Variants in CLN5 observed in about 807,000 individuals in gnomAD.
CLN5 encodes the protein CLN5 lysosomal BMP synthase, also known as bis(monoacylglycero)phosphate synthase CLN5.
Under a neutral mutation model 36.7 loss-of-function variants are expected in CLN5, and 34 were observed. That is an observed-to-expected ratio of 0.93 (90% CI 0.71 to 1.23). The LOEUF (loss-of-function observed/expected upper bound fraction) is 1.23, where lower values mean the gene tolerates loss of function less well. CLN5 is among the 50% of genes most tolerant of loss of function. The pLI, the probability that CLN5 is intolerant of heterozygous loss-of-function variation, is 0.00. For missense variants in CLN5, 427 were observed against 439.4 expected (o/e 0.97, Z 0.25); for synonymous variants, 151 against 155.1 (o/e 0.97, Z 0.20).
intron 2 of CLN5, 64 bp from the exon 3 acceptor site, chr13:76,995,838 A>G (rs573980862): frequency 7.7e-5 from 95 of 1,226,854 alleles, no homozygotes; most frequent in Admixed American, 4.2e-4. Flanking sequence ...ATTTTCTCCT[A>G]TCAGGTTACC....
rs1258744435 is a variant in CLN5 at position 77,003,543 on chromosome 13, G to A, written c.*2574G>A. ...TGAGAAACCAAAACATAGCCACGCAGAAATCTGCCAATTAAGTTTTGCTGC... is the reference window on the plus strand; with the variant it reads ...TGAGAAACCAAAACATAGCCACGCAAAAATCTGCCAATTAAGTTTTGCTGC... On this transcript the variant is annotated 3_prime_UTR_variant, in exon 4 of 4. Transcript: ENST00000377453. 2 of 152,244 alleles carry A rather than the reference G, an allele frequency of 1.3e-5. No homozygotes were observed. The highest frequency in any genetic ancestry group is 2.4e-5 in the African/African-American group (1 of 41,470). The allele number at this position is 152,244 out of a possible 1,614,324, so 9.4% of individuals were successfully genotyped here. A position where few individuals can be genotyped will look rare whatever the true frequency, so the allele number is the denominator to read the frequency against.
Position 76,999,166 on chromosome 13 carries a change from G to C in CLN5, c.566-1292G>C, listed in dbSNP as rs909618995. The C allele has an allele frequency of 4.6e-5, 7 of 152,140 alleles. No individual in the cohort carries two copies. The East Asian group carries it at 1.3e-3, about 29-fold the overall frequency. The allele number at this position is 152,140 out of a possible 1,614,324, so 9.4% of individuals were successfully genotyped here. A position where few individuals can be genotyped will look rare whatever the true frequency, so the allele number is the denominator to read the frequency against. The stretch of plus-strand genomic sequence containing the variant: ...GTTCTAATACAACAGGCTTTATTCT[G>C]TTCTACAATTTTAATTCCATAAAAT... On this transcript the variant is annotated intron_variant, in intron 3 of 3. Coordinates refer to ENST00000377453, the MANE Select transcript of CLN5 (RefSeq NM_006493.4).
chr13:76,996,098 G>A lies in CLN5; in HGVS notation c.536G>A (p.Gly179Glu), dbSNP rs1216393096. ...GATGATGTTCACTGGAAGGAAAATG[G>A]GACATTAGTTCAAGTAGCAACTATA... ...GIDDVHWKEN[G>E]TLVQVATISG... Residue 179 changes from glycine to glutamate, a missense_variant, in exon 3 of 4, where the codon GGG (glycine) becomes GAG (glutamate). Gly to Glu is a moderately conservative substitution (Grantham distance 98, BLOSUM62 -2). Coordinates refer to ENST00000377453, the MANE Select transcript of CLN5 (RefSeq NM_006493.4). The A allele has an allele frequency of 1.9e-6, 3 of 1,614,038 alleles. No individual in the cohort carries two copies. The East Asian group carries it at 6.7e-5, about 36-fold the overall frequency.
Position 77,001,822 on chromosome 13 carries a change from T to TG in CLN5, c.*854dup, listed in dbSNP as rs1161293148. 2.0e-5 allele frequency: 3 copies of TG among 152,372 alleles called. No homozygotes were observed. Among genetic ancestry groups the TG allele is most frequent in the African/African-American group, 7.2e-5 (3 of 41,584 alleles). The allele number at this position is 152,372 out of a possible 1,614,324, so 9.4% of individuals were successfully genotyped here. ...TTCAGCGGTTCTTCTAACCGGGGTA[T>TG]GCAGGAACATGGCTGCAGACACGTT... On this transcript the variant is annotated 3_prime_UTR_variant, in exon 4 of 4. Transcript: ENST00000377453.
At chr13:76,998,444 T>C (rs1345939383) in intron 3 of CLN5, 2 of 152,242 alleles carry the variant, frequency 1.3e-5, no homozygotes, top group African/African-American at 4.8e-5. Flanking sequence ...CCATATGATT[T>C]ATGAAGCATT....
Position 76,995,891 on chromosome 13 carries a change from TCTTTA to T in CLN5, c.340-9_340-5del. ...CACAGTTGCTTTTATACATGTACTG[TCTTTA>T]CACAGAAAATTATGCATGATGCCAT... is the stretch of plus-strand genomic sequence containing the variant. On this transcript the variant is annotated splice_region_variant and splice_polypyrimidine_tract_variant and intron_variant, in intron 2 of 3. Coordinates refer to ENST00000377453, the MANE Select transcript of CLN5 (RefSeq NM_006493.4). 6.2e-7 allele frequency: 1 copy of T among 1,610,872 alleles called. No individual in the cohort carries two copies. The highest frequency in any genetic ancestry group is 8.5e-7 in the Non-Finnish European group (1 of 1,177,058).
At position 76,992,242 on chromosome 13, in the gene CLN5, C is replaced by T. The variant is rs1399133308; in HGVS notation, c.144C>T (p.Pro48=). Reference sequence around the variant, plus strand: ...GCTGGTCCCGGGTCTCGGGCATCCCCTCCCGGCGCCACTGGCCGGTGCCCT... The same window carrying T: ...GCTGGTCCCGGGTCTCGGGCATCCCTTCCCGGCGCCACTGGCCGGTGCCCT... ...VPGWSRVSGI[P]SRRHWPVPYK... Residue 48 remains proline, a synonymous_variant, in exon 1 of 4, where the codon CCC becomes CCT. Coordinates refer to ENST00000377453, the MANE Select transcript of CLN5 (RefSeq NM_006493.4). The T allele has an allele frequency of 6.3e-7, 1 of 1,587,154 alleles. No individual in the cohort carries two copies. The highest frequency in any genetic ancestry group is 1.7e-5 in the Admixed American group (1 of 57,624).
At chr13:76,999,032 G>T (rs2034314588) in intron 3 of CLN5, 1 of 152,102 alleles carries the variant, frequency 6.6e-6, no homozygotes, top group Non-Finnish European at 1.5e-5. Flanking sequence ...TCATTTATTT[G>T]CCTTGTGAAT....
rs1430603938 is a variant in CLN5 at position 77,002,294 on chromosome 13, G to A, written c.*1325G>A. The A allele has an allele frequency of 6.6e-6, 1 of 152,214 alleles. No individual in the cohort carries two copies. The highest frequency in any genetic ancestry group is 1.9e-4 in the East Asian group (1 of 5,194). The allele number at this position is 152,214 out of a possible 1,614,324, so 9.4% of individuals were successfully genotyped here. A position where few individuals can be genotyped will look rare whatever the true frequency, so the allele number is the denominator to read the frequency against. The stretch of plus-strand genomic sequence containing the variant: ...TGATCTTTCTCTGGCTATCCAGCTA[G>A]TAGTAATGAAGTCAGGTCTTGAACC... On this transcript the variant is annotated 3_prime_UTR_variant, in exon 4 of 4. Transcript: ENST00000377453.
chr13:76,997,979 TACATC>T (rs1170918780), intron 3 of CLN5: 2 of 152,274 alleles, frequency 1.3e-5, no homozygotes, highest in African/African-American at 4.8e-5. Flanking sequence ...GTACTGTACA[TACATC>T]ACATCATTCA....
chr13:77,000,956 T>A lies in CLN5; in HGVS notation c.1064T>A (p.Leu355His). Residue 355 changes from leucine (L) to histidine (H), a missense_variant, in exon 4 of 4, where the codon CTC becomes CAC. Transcript: ENST00000377453. The stretch of plus-strand genomic sequence containing the variant: ...CCTTTACCTATCAGAAACAAAACAC[T>A]CTCTGGTTTATAAAACACCTTAATT... ...EIPLPIRNKT[L>H]SGL 1 of 1,605,524 alleles carries A rather than the reference T, an allele frequency of 6.2e-7. No homozygotes were observed. Among genetic ancestry groups the A allele is most frequent in the African/African-American group, 1.3e-5 (1 of 74,828 alleles).
rs979659318 is a variant in CLN5 at position 77,003,361 on chromosome 13, A to G, written c.*2392A>G. The G allele has an allele frequency of 6.6e-6, 1 of 152,244 alleles. No homozygotes were observed. The highest frequency in any genetic ancestry group is 2.4e-5 in the African/African-American group (1 of 41,476). 9.4% of individuals were successfully genotyped at this position (152,244 alleles called of 1,614,324 possible). A position where few individuals can be genotyped will look rare whatever the true frequency, so the allele number is the denominator to read the frequency against. On this transcript the variant is annotated 3_prime_UTR_variant, in exon 4 of 4. Transcript: ENST00000377453. Reference sequence around the variant, plus strand: ...CATTGTTCCTAAGAATCTTAATTAAATGAAGACAGAAAGCATCATAAAGTC... The same window carrying G: ...CATTGTTCCTAAGAATCTTAATTAAGTGAAGACAGAAAGCATCATAAAGTC...
At chr13:76,994,854 C>T (rs1406069396) in intron 1 of CLN5, 5 of 505,186 alleles carry the variant, frequency 9.9e-6, no homozygotes, top group East Asian at 7.0e-5. Context: ...CAGGGAAGCC[C>T]GTATTTATCA....
At chr13:76,996,433 C>G (rs996517843) in intron 3 of CLN5, 6 of 333,462 alleles carry the variant, frequency 1.8e-5, no homozygotes, top group African/African-American at 1.3e-4. Context: ...AATGTATAGT[C>G]TTTTATCCCT....
At position 77,003,436 on chromosome 13, in the gene CLN5, G is replaced by A. The variant is rs1461934986; in HGVS notation, c.*2467G>A. On this transcript the variant is annotated 3_prime_UTR_variant, in exon 4 of 4. Transcript: ENST00000377453. ...TAACATTTACAAAAGTATTTCTTAA[G>A]AATTAAACCTGTCAGCTCTACTTAC... 1.3e-5 allele frequency: 2 copies of A among 152,210 alleles called. No homozygotes were observed. Among genetic ancestry groups the A allele is most frequent in the East Asian group, 3.8e-4 (2 of 5,196 alleles). The allele number at this position is 152,210 out of a possible 1,614,324, so 9.4% of individuals were successfully genotyped here. A position where few individuals can be genotyped will look rare whatever the true frequency, so the allele number is the denominator to read the frequency against.
At chr13:76,996,758 A>AGTT (rs2034275524) in intron 3 of CLN5, 1 of 153,206 alleles carries the variant, frequency 6.5e-6, no homozygotes, top group Non-Finnish European at 1.5e-5. Context: ...GCTGCTATAA[A>AGTT]CATGCATGGG....
At chr13:76,994,363 C>T (rs752685397) in intron 1 of CLN5, 35 of 152,276 alleles carry the variant, frequency 2.3e-4, no homozygotes, top group Non-Finnish European at 4.0e-4. Context: ...TAATCAACTA[C>T]ATTAAAAACC....
Position 76,992,207 on chromosome 13 carries a change from G to GTGGTTCCGGGC in CLN5, c.114_124dup (p.Ser42PhefsTer76). On this transcript the variant is annotated frameshift_variant, in exon 1 of 4. Coordinates refer to ENST00000377453, the MANE Select transcript of CLN5 (RefSeq NM_006493.4). LOFTEE classifies it high-confidence loss of function. ...GGCCCTGGCGCTGCTTTGGCTCGCG[G>GTGGTTCCGGGC]TGGTTCCGGGCTGGTCCCGGGTCTC... The GTGGTTCCGGGC allele has an allele frequency of 6.2e-7, 1 of 1,602,608 alleles. No homozygotes were observed. Among genetic ancestry groups the GTGGTTCCGGGC allele is most frequent in the Non-Finnish European group, 8.5e-7 (1 of 1,177,740 alleles).
rs1378983391 is a variant in CLN5 at position 77,001,007 on chromosome 13, C to T, written c.*38C>T. 2 of 1,574,026 alleles carry T rather than the reference C, an allele frequency of 1.3e-6. No homozygotes were observed. Among genetic ancestry groups the T allele is most frequent in the Non-Finnish European group, 1.7e-6 (2 of 1,156,706 alleles). ...CTACTGCTCTTTTTTCTCCAATCAC[C>T]AGCATCTGTTTTTCAGGGGGTGATT... On this transcript the variant is annotated 3_prime_UTR_variant, in exon 4 of 4. Coordinates refer to ENST00000377453, the MANE Select transcript of CLN5 (RefSeq NM_006493.4).
Sources: gnomAD v4.1 joint callset for allele counts on GRCh38, gnomAD v4.1.1 for gene constraint, MANE v1.5 for transcripts, NCBI Gene and HGNC (gene_info 2026-07-23, HGNC 2026-07-21) for gene names.